FOXP1: variants seen among roughly 807,000 people sequenced by gnomAD.
FOXP1 encodes the protein forkhead box protein P1.
A neutral mutation model predicts 98.2 loss-of-function variants in FOXP1; 15 were observed. That is an observed-to-expected ratio of 0.15 (90% confidence interval 0.10 to 0.24). The LOEUF (loss-of-function observed/expected upper bound fraction) is 0.24, where lower values mean the gene tolerates loss of function less well. Ranked by LOEUF, FOXP1 falls within the 10% of genes least tolerant of loss-of-function variation. FOXP1 has a pLI of 1.00. For missense variants in FOXP1, 633 were observed against 848.5 expected (o/e 0.75, Z 3.15); for synonymous variants, 371 against 314.5 (o/e 1.18, Z -1.90).
At chr3:71,565,815 G>A (rs2046868536) in intron 2 of FOXP1, among the ~76,000 whole-genome samples, 1 of 152,170 alleles carries the variant, frequency 6.6e-6, no homozygotes, top group Admixed American at 6.5e-5. Flanking sequence ...GTATTAGAAT[G>A]CCCAACTGAG....
chr3:71,189,074 A>C (rs1418881916), intron 6 of FOXP1, among the ~76,000 whole-genome samples: 2 of 152,194 alleles, frequency 1.3e-5, no homozygotes, highest in African/African-American at 2.4e-5. Context: ...ATACACAAAG[A>C]AGACTGGGCC....
chr3:71,256,678 G>T (rs1339778033), intron 5 of FOXP1, among the ~76,000 whole-genome samples: 1 of 152,062 alleles, frequency 6.6e-6, no homozygotes, highest in Admixed American at 6.6e-5. Flanking sequence ...CACCGCGCCC[G>T]GCCTCTCACT....
At chr3:71,565,033 A>C (rs906771483) in intron 2 of FOXP1, among the ~76,000 whole-genome samples, 1 of 152,164 alleles carries the variant, frequency 6.6e-6, no homozygotes, top group Non-Finnish European at 1.5e-5. Context: ...CCGGGAGGCG[A>C]GGTTGCAGGG....
intron 5 of FOXP1, among the ~76,000 whole-genome samples, chr3:71,294,646 A>G (rs1201115914): frequency 2.0e-5 from 3 of 152,212 alleles, no homozygotes; most frequent in African/African-American, 7.2e-5. Flanking sequence ...GAATGAAATT[A>G]CTAGATTGGA....
chr3:71,398,670 A>G (rs1267987266), intron 3 of FOXP1, among the ~76,000 whole-genome samples: 2 of 152,148 alleles, frequency 1.3e-5, no homozygotes, highest in African/African-American at 2.4e-5. Flanking sequence ...AAAGCTTTTA[A>G]CAACCACATC....
intron 7 of FOXP1, among the ~76,000 whole-genome samples, chr3:71,106,229 T>C (rs17008213): frequency 0.048 from 7,330 of 152,356 alleles, 617 homozygotes; most frequent in African/African-American, 0.17. Context: ...ACTTTGCATG[T>C]GGTGGCAAAG....
intron 6 of FOXP1, among the ~76,000 whole-genome samples, chr3:71,129,464 A>G (rs1203677915): frequency 1.3e-5 from 2 of 152,258 alleles, no homozygotes; most frequent in Non-Finnish European, 2.9e-5. Context: ...GCTGTTTTAG[A>G]TACTAAAATT....
In FOXP1 at chr3:71,179,157, CGG is replaced by C. The variant is rs1379339326; in HGVS notation, c.180+19043_180+19044del. Among the ~76,000 whole-genome samples, 5 of 95,742 alleles carry C rather than the reference CGG, an allele frequency of 5.2e-5. No homozygotes were observed. In the Admixed American group the frequency reaches 5.3e-4, roughly 10 times the overall value. The allele number at this position is 95,742 out of a possible 152,430, so 62.8% of individuals were successfully genotyped here. The stretch of plus-strand genomic sequence containing the variant: ...ATCTTTTTTTTTTTTTTTTTTGAGA[CGG>C]AGTCACTTTCTGTCACCCAGGCTGA... On this transcript the variant is annotated intron_variant, in intron 6 of 20. Coordinates refer to ENST00000649528, the MANE Select transcript of FOXP1 (RefSeq NM_001349338.3).
chr3:71,312,266 C>T (rs781006299), intron 4 of FOXP1, among the ~76,000 whole-genome samples: 8 of 152,120 alleles, frequency 5.3e-5, no homozygotes, highest in Non-Finnish European at 7.3e-5. Context: ...TGGACTTCAG[C>T]GAAAGAAAGG....
chr3:71,260,691 C>T (rs187838192), intron 5 of FOXP1, among the ~76,000 whole-genome samples: 14 of 152,024 alleles, frequency 9.2e-5, no homozygotes, highest in African/African-American at 2.4e-4. Flanking sequence ...TACAGGCGCA[C>T]GTCACCATGC....
intron 3 of FOXP1, among the ~76,000 whole-genome samples, chr3:71,392,056 T>C (rs1423693809): frequency 1.3e-5 from 2 of 152,190 alleles, no homozygotes; most frequent in East Asian, 1.9e-4. Flanking sequence ...AATAGACCTG[T>C]CTCTGAATTT....
At chr3:71,131,579 G>GGGAT (rs1417094213) in intron 6 of FOXP1, among the ~76,000 whole-genome samples, 1 of 152,150 alleles carries the variant, frequency 6.6e-6, no homozygotes, top group Non-Finnish European at 1.5e-5. Flanking sequence ...AGCTGTCAGT[G>GGGAT]GGATGTTTAC....
At chr3:71,520,976 A>G (rs527921767) in intron 2 of FOXP1, among the ~76,000 whole-genome samples, 27 of 152,312 alleles carry the variant, frequency 1.8e-4, no homozygotes, top group Admixed American at 3.3e-4. Flanking sequence ...ACCGACTTGC[A>G]CCCAATATCC....
At chr3:71,006,986 A>G (rs1264325657) in intron 12 of FOXP1, among the ~76,000 whole-genome samples, 1 of 152,094 alleles carries the variant, frequency 6.6e-6, no homozygotes, top group African/African-American at 2.4e-5. Flanking sequence ...AAACTTTTCT[A>G]TCTAATATTC....
At chr3:71,550,541 C>T (rs1467316910) in intron 2 of FOXP1, among the ~76,000 whole-genome samples, 1 of 152,056 alleles carries the variant, frequency 6.6e-6, no homozygotes, top group Non-Finnish European at 1.5e-5. Context: ...AAATTAACAT[C>T]CAGTGAATAG....
At position 71,198,294 on chromosome 3, in the gene FOXP1, C is replaced by G. The variant is rs913003790; in HGVS notation, c.88G>C (p.Gly30Arg). The G allele has an allele frequency of 1.2e-6, 2 of 1,614,130 alleles. No individual in the cohort carries two copies. Among genetic ancestry groups the G allele is most frequent in the South Asian group, 1.1e-5 (1 of 91,082 alleles). Residue 30 changes from glycine (G) to arginine (R), a missense_variant, in exon 6 of 21, where the codon GGC becomes CGC. Gly to Arg is a moderately radical substitution (Grantham distance 125, BLOSUM62 -2). Coordinates refer to ENST00000649528, the MANE Select transcript of FOXP1 (RefSeq NM_001349338.3). ...SGGSNHLLEC[G>R]GLREGRSNGE... ...TTGGACCGCCCCTCCCGAAGACCGCCGCACTCTAGTAAGTGGTTGCTGCCG... is the reference window on the plus strand; with the variant it reads ...TTGGACCGCCCCTCCCGAAGACCGCGGCACTCTAGTAAGTGGTTGCTGCCG...
chr3:71,067,023 C>T (rs78558017), intron 7 of FOXP1, among the ~76,000 whole-genome samples: 1 of 152,028 alleles, frequency 6.6e-6, no homozygotes, highest in African/African-American at 2.4e-5. Flanking sequence ...CATGGGACCA[C>T]AAAGAAGGAG....
chr3:71,255,648 A>C (rs1056282576), intron 5 of FOXP1, among the ~76,000 whole-genome samples: 25 of 152,246 alleles, frequency 1.6e-4, no homozygotes, highest in African/African-American at 4.8e-4. Context: ...AAAGAAATGC[A>C]TTCAACTAAT....
chr3:71,547,408 ATC>A (rs1278041733), intron 2 of FOXP1, among the ~76,000 whole-genome samples: 1 of 152,202 alleles, frequency 6.6e-6, no homozygotes, highest in Non-Finnish European at 1.5e-5. Context: ...ATCAGGCCTT[ATC>A]CAAAAAGAAG....
Sources: gnomAD v4.1 joint callset for allele counts (sites outside exome capture counted in the v4.1 genomes callset) on GRCh38, gnomAD v4.1.1 for gene constraint, MANE v1.5 for transcripts, NCBI Gene and HGNC (gene_info 2026-07-23, HGNC 2026-07-21) for gene names.